Variants in CENPE observed in about 807,000 individuals in gnomAD.
The protein encoded by CENPE is centromere protein E.
A neutral mutation model predicts 336.1 loss-of-function variants in CENPE; 145 were observed. The ratio of observed to expected loss-of-function variants is 0.43; its 90% CI spans 0.38 to 0.50. The LOEUF is 0.50. CENPE is among the 20% of genes least tolerant of loss of function. The probability of loss-of-function intolerance (pLI) is 0.00; values close to 1 mark genes in which losing one functional copy is unlikely to be tolerated. For missense variants in CENPE, 2,719 were observed against 3,023.3 expected, an observed-to-expected ratio of 0.90 and a Z score of 2.36; for synonymous variants, 1,013 against 984.8, an observed-to-expected ratio of 1.03 and a Z score of -0.54.
chr4:103,175,169 A>C (rs1042764446), intron 15 of CENPE, among the ~76,000 whole-genome samples: 6 of 152,006 alleles, frequency 3.9e-5, no homozygotes, highest in Non-Finnish European at 7.4e-5. Context: ...AAAACTGATA[A>C]TTGAATTCCC....
chr4:103,146,775 G>C (rs1047934389), intron 29 of CENPE, among the ~76,000 whole-genome samples: 1 of 152,206 alleles, frequency 6.6e-6, no homozygotes, highest in Non-Finnish European at 1.5e-5. Flanking sequence ...AACTGGATTA[G>C]AGAAGTCTAA....
intron 8 of CENPE, among the ~76,000 whole-genome samples, chr4:103,187,107 A>G (rs1245199559): frequency 6.6e-6 from 1 of 152,170 alleles, no homozygotes; most frequent in Non-Finnish European, 1.5e-5. Flanking sequence ...CAAGGGAGTA[A>G]TAGAACCCTG....
intron 15 of CENPE, 51 bp from the exon 16 acceptor site, chr4:103,174,954 G>T: frequency 8.9e-7 from 1 of 1,128,270 alleles, no homozygotes; most frequent in Non-Finnish European, 1.2e-6. Flanking sequence ...AATATTTTTT[G>T]TTTCCTTAAT....
chr4:103,154,895 C>T (rs2125955422), intron 24 of CENPE, among the ~76,000 whole-genome samples: 1 of 152,220 alleles, frequency 6.6e-6, no homozygotes, highest in South Asian at 2.1e-4. Flanking sequence ...AATGAGCATT[C>T]CAAGGAGATT....
intron 16 of CENPE, among the ~76,000 whole-genome samples, chr4:103,173,630 T>TTTGCAATATTTTCAGAAATATTTGCAA (rs1212496499): frequency 6.6e-6 from 1 of 151,440 alleles, no homozygotes; most frequent in South Asian, 2.1e-4. Context: ...TTGCAAAATA[T>TTTGCAATATTTTCAGAAATATTTGCAA]ACATCTGACA....
chr4:103,185,731 T>C, intron 9 of CENPE, 79 bp downstream of exon 9: 1 of 821,656 alleles, frequency 1.2e-6, no homozygotes, highest in Non-Finnish European at 1.9e-6. Flanking sequence ...TATCAATTTC[T>C]AAAAATGCCT....
At chr4:103,157,059 C>CAAAAA (rs34199706) in intron 24 of CENPE, among the ~76,000 whole-genome samples, 3 of 98,032 alleles carry the variant, frequency 3.1e-5, no homozygotes, top group Non-Finnish European at 4.3e-5. Flanking sequence ...TGGCTACTAT[C>CAAAAA]AAAAAAAAAA....
chr4:103,197,800 T>C (rs1757853117), intron 1 of CENPE, among the ~76,000 whole-genome samples: 1 of 151,518 alleles, frequency 6.6e-6, no homozygotes, highest in Admixed American at 6.6e-5. Flanking sequence ...ACAAAGTCAC[T>C]AAAAAAAAAT....
intron 5 of CENPE, 67 bp from the exon 6 acceptor site, chr4:103,194,751 G>C: frequency 8.4e-7 from 1 of 1,189,182 alleles, no homozygotes; most frequent in South Asian, 1.4e-5. Context: ...TCAAAAGAAG[G>C]TGCAAACTAT....
Position 103,136,277 on chromosome 4 carries a change from T to G in CENPE, c.6386A>C (p.Glu2129Ala). Residue 2129 changes from glutamate to alanine, a missense_variant, in exon 40 of 49, where the codon GAA (glutamate) becomes GCA (alanine). Transcript: ENST00000265148. ...TCTCATTGAAAGCTCTTTTTGGAATTCAATTTCCTTCTCCAAGTCAAGAGA... is the reference window on the plus strand; with the variant it reads ...TCTCATTGAAAGCTCTTTTTGGAATGCAATTTCCTTCTCCAAGTCAAGAGA... Reference protein sequence around the residue: ...RLSLDLEKEIEFQKELSMRVK... With the variant: ...RLSLDLEKEIAFQKELSMRVK... 1 of 1,613,616 alleles carries G rather than the reference T, an allele frequency of 6.2e-7. No individual in the cohort carries two copies. Among genetic ancestry groups the G allele is most frequent in the Non-Finnish European group, 8.5e-7 (1 of 1,179,770 alleles).
intron 33 of CENPE, 92 bp from the exon 34 acceptor site, chr4:103,143,498 C>T (rs1371725320): frequency 3.6e-6 from 3 of 843,312 alleles, no homozygotes; most frequent in African/African-American, 1.7e-5. Flanking sequence ...AAATCTTCCA[C>T]CCTCTTCTGA....
At chr4:103,167,003 T>G (rs758434393) in intron 16 of CENPE, among the ~76,000 whole-genome samples, 1 of 152,074 alleles carries the variant, frequency 6.6e-6, no homozygotes, top group Non-Finnish European at 1.5e-5. Context: ...ACTTAGAAAA[T>G]GAGTGATCTG....
chr4:103,132,912 G>GT lies in CENPE; in HGVS notation c.6721-17_6721-16insA. 2 of 1,175,150 alleles carry GT rather than the reference G, an allele frequency of 1.7e-6. No individual in the cohort carries two copies. Among genetic ancestry groups the GT allele is most frequent in the Non-Finnish European group, 2.3e-6 (2 of 881,668 alleles). The allele number at this position is 1,175,150 out of a possible 1,614,324, so 72.8% of individuals were successfully genotyped here. A position where few individuals can be genotyped will look rare whatever the true frequency, so the allele number is the denominator to read the frequency against. ...TGAGAATTTCCTGTGTGAAAAATAA[G>GT]CGTCAAATTGTTTAAACATTAGGAA... On this transcript the variant is annotated splice_polypyrimidine_tract_variant and intron_variant, in intron 41 of 48. Transcript: ENST00000265148.
chr4:103,179,316 G>A (rs1756137995), intron 13 of CENPE, among the ~76,000 whole-genome samples: 1 of 152,160 alleles, frequency 6.6e-6, no homozygotes, highest in Non-Finnish European at 1.5e-5. Flanking sequence ...CACACACAAG[G>A]CTGTTCTTTG....
At position 103,196,742 on chromosome 4, in the gene CENPE, T is replaced by C. The variant is rs72946191; in HGVS notation, c.148+17A>G. Reference sequence around the variant, plus strand: ...AAAAGGATAACAAGGTAACTTTTGATGCTATTATAAGCTTACCAAAATTGA... The same window carrying C: ...AAAAGGATAACAAGGTAACTTTTGACGCTATTATAAGCTTACCAAAATTGA... On this transcript the variant is annotated intron_variant, in intron 2 of 48. Coordinates refer to ENST00000265148, the MANE Select transcript of CENPE (RefSeq NM_001813.3). The C allele has an allele frequency of 4.3e-3, 5,131 of 1,182,944 alleles. 169 individuals carry two copies. The African/African-American group carries it at 0.071, about 16-fold the overall frequency. 73.3% of individuals were successfully genotyped at this position (1,182,944 alleles called of 1,614,324 possible). A position where few individuals can be genotyped will look rare whatever the true frequency, so the allele number is the denominator to read the frequency against.
chr4:103,138,215 T>A, intron 39 of CENPE, 136 bp downstream of exon 39: 1 of 664,414 alleles, frequency 1.5e-6, no homozygotes, highest in South Asian at 1.8e-5. Context: ...CACACACCTG[T>A]ACTAGATTAC....
At chr4:103,194,581 G>A in intron 6 of CENPE, 22 bp downstream of exon 6, 1 of 1,577,044 alleles carries the variant, frequency 6.3e-7, no homozygotes, top group Non-Finnish European at 8.6e-7. Context: ...GTGTTCTAAA[G>A]AAATACAGCA....
chr4:103,115,790 G>A (rs984702099), intron 45 of CENPE, among the ~76,000 whole-genome samples: 1 of 150,674 alleles, frequency 6.6e-6, no homozygotes, highest in Non-Finnish European at 1.5e-5. Flanking sequence ...GAGTGCAGTG[G>A]TGCGATCTCG....
At chr4:103,131,225 C>T (rs1751564798) in intron 42 of CENPE, among the ~76,000 whole-genome samples, 1 of 152,070 alleles carries the variant, frequency 6.6e-6, no homozygotes, top group African/African-American at 2.4e-5. Flanking sequence ...AGTATACAAA[C>T]AATTCTTAAA....
Sources: allele counts gnomAD v4.1 joint callset (sites outside exome capture counted in the v4.1 genomes callset), GRCh38; gene constraint gnomAD v4.1.1; transcripts MANE v1.5; gene names NCBI Gene and HGNC (gene_info 2026-07-23, HGNC 2026-07-21).